Variants in TMEM39A observed in about 807,000 individuals in gnomAD.
TMEM39A encodes suppressor of SQST-1 aggregates in rpl-43 mutants.
In TMEM39A, 19 loss-of-function variants were observed where a neutral mutation model predicts 51.9. The observed-to-expected ratio is 0.37, with a 90% CI of 0.26 to 0.54. The LOEUF (loss-of-function observed/expected upper bound fraction) is 0.54, where lower values mean the gene tolerates loss of function less well. Ranked by LOEUF, TMEM39A falls within the 20% of genes least tolerant of loss-of-function variation. The probability of loss-of-function intolerance (pLI) is 0.88; values close to 1 mark genes in which losing one functional copy is unlikely to be tolerated. For missense variants in TMEM39A, 433 were observed against 590.5 expected, an observed-to-expected ratio of 0.73 and a Z score of 2.76; for synonymous variants, 197 against 220.2, an observed-to-expected ratio of 0.89 and a Z score of 0.93.
chr3:119,458,223 C>T lies in TMEM39A; in HGVS notation c.131G>A (p.Gly44Asp). The T allele has an allele frequency of 1.2e-6, 2 of 1,613,968 alleles. No homozygotes were observed. The part of the protein sequence containing the change: ...GLRNRNGSAI[G>D]LPVPPITALI... ...GGCTGTGATAGGTGGGACTGGAAGG[C>T]CAATAGCACTACCATTCCTGAAAGA... The change falls in exon 3 of 9, where the codon GGC becomes GAC. Residue 44 changes from glycine (G) to aspartate (D), a missense_variant. By Grantham distance (94) the Gly-to-Asp change is moderately conservative. This residue lies in a region of TMEM39A where 170 missense variants were observed against 239.8 expected (regional missense o/e 0.71). Transcript: ENST00000319172.
rs899321454 is a variant in TMEM39A, at chr3:119,430,791, T to C, written c.*1190A>G. On this transcript the variant is annotated 3_prime_UTR_variant, in exon 9 of 9. Coordinates refer to ENST00000319172, the MANE Select transcript of TMEM39A (RefSeq NM_018266.3). ...CAGCTTGTCAACGACATGATTGGTC[T>C]TTTTACTTCATAAGTCTTATTTTGT... The C allele has an allele frequency of 4.6e-5, 7 of 152,154 alleles. No individual in the cohort carries two copies. Among genetic ancestry groups the C allele is most frequent in the African/African-American group, 1.4e-4 (6 of 41,448 alleles). 9.4% of individuals were successfully genotyped at this position (152,154 alleles called of 1,614,324 possible).
chr3:119,454,842 A>G (rs1266307460), intron 3 of TMEM39A, among the ~76,000 whole-genome samples: 2 of 152,194 alleles, frequency 1.3e-5, no homozygotes, highest in Non-Finnish European at 2.9e-5. Flanking sequence ...TAAGCAAATC[A>G]TGTTATAACC....
intron 2 of TMEM39A, among the ~76,000 whole-genome samples, chr3:119,460,727 T>C (rs1394183286): frequency 6.6e-6 from 1 of 152,166 alleles, no homozygotes; most frequent in Non-Finnish European, 1.5e-5. Flanking sequence ...AAAGAACTGC[T>C]AGAGTTAGGA....
chr3:119,431,234 A>T lies in TMEM39A; in HGVS notation c.*747T>A, dbSNP rs1184940650. ...CATTTGCACTCAGCTTCTCCTACTG[A>T]TCCAGCCACACATCATCTTCTTCAT... On this transcript the variant is annotated 3_prime_UTR_variant, in exon 9 of 9. Transcript: ENST00000319172. The T allele has an allele frequency of 6.6e-6, 1 of 152,062 alleles. No individual in the cohort carries two copies. Among genetic ancestry groups the T allele is most frequent in the Middle Eastern group, 3.1e-3 (1 of 318 alleles). 9.4% of individuals were successfully genotyped at this position (152,062 alleles called of 1,614,324 possible). A position where few individuals can be genotyped will look rare whatever the true frequency, so the allele number is the denominator to read the frequency against.
intron 7 of TMEM39A, chr3:119,435,417 C>T (rs2107659025): frequency 1.0e-6 from 1 of 982,684 alleles, no homozygotes; most frequent in Non-Finnish European, 1.2e-6. Context: ...CAGTAGAACA[C>T]AGCGATACAT....
intron 5 of TMEM39A, among the ~76,000 whole-genome samples, chr3:119,440,077 G>A (rs1032360464): frequency 2.6e-5 from 4 of 152,142 alleles, no homozygotes; most frequent in Admixed American, 2.6e-4. Flanking sequence ...CAGAGAAGAA[G>A]TATTAGACAA....
intron 6 of TMEM39A, 106 bp from the exon 7 acceptor site, chr3:119,437,084 C>A: frequency 7.0e-6 from 7 of 1,002,558 alleles, no homozygotes; most frequent in Non-Finnish European, 1.0e-5. Flanking sequence ...CTGAGTCACA[C>A]ATGCACTGGT....
chr3:119,446,361 G>T (rs1409898282), intron 5 of TMEM39A, among the ~76,000 whole-genome samples: 1 of 149,494 alleles, frequency 6.7e-6, no homozygotes, highest in African/African-American at 2.4e-5. Context: ...TAATAACCAA[G>T]TCCGCTACTA....
intron 4 of TMEM39A, 130 bp from the exon 5 acceptor site, chr3:119,447,302 A>C: frequency 3.5e-6 from 3 of 866,568 alleles, no homozygotes; most frequent in Non-Finnish European, 3.4e-6. Context: ...ATAAAAGAAA[A>C]ACTGCCCCAT....
At chr3:119,451,082 TAAAG>T in intron 4 of TMEM39A, 1 of 308,914 alleles carries the variant, frequency 3.2e-6, no homozygotes, top group South Asian at 4.4e-5. Context: ...TGAGATCCTC[TAAAG>T]AAAGAACATG....
At chr3:119,437,086 T>G (rs2080979981) in intron 6 of TMEM39A, 108 bp from the exon 7 acceptor site, 4 of 982,106 alleles carry the variant, frequency 4.1e-6, no homozygotes, top group Non-Finnish European at 6.0e-6. Context: ...GAGTCACACA[T>G]GCACTGGTGG....
At chr3:119,439,862 G>C (rs369448832) in intron 5 of TMEM39A, among the ~76,000 whole-genome samples, 17 of 151,976 alleles carry the variant, frequency 1.1e-4, no homozygotes, top group East Asian at 9.6e-4. Flanking sequence ...CAACTTCTTG[G>C]GCTCACGCAA....
chr3:119,451,744 C>T (rs1352271572), intron 4 of TMEM39A, among the ~76,000 whole-genome samples: 2 of 141,564 alleles, frequency 1.4e-5, no homozygotes, highest in South Asian at 2.3e-4. Context: ...GCAGGAAAAT[C>T]GCTTGTACCC....
chr3:119,459,193 C>T (rs2081304606), intron 2 of TMEM39A, among the ~76,000 whole-genome samples: 2 of 152,322 alleles, frequency 1.3e-5, no homozygotes, highest in Middle Eastern at 3.4e-3. Flanking sequence ...CAGTTCCCTA[C>T]AGTGATATAA....
At chr3:119,441,452 C>G (rs2081052801) in intron 5 of TMEM39A, among the ~76,000 whole-genome samples, 1 of 152,228 alleles carries the variant, frequency 6.6e-6, no homozygotes, top group Non-Finnish European at 1.5e-5. Flanking sequence ...ATCGACCAGC[C>G]ACGACATTGC....
intron 3 of TMEM39A, among the ~76,000 whole-genome samples, chr3:119,455,010 T>C (rs1293673664): frequency 6.6e-6 from 1 of 152,214 alleles, no homozygotes; most frequent in Non-Finnish European, 1.5e-5. Context: ...GGTTGACAGC[T>C]AGAATGATAC....
In TMEM39A at chr3:119,436,987, G is replaced by T. The variant is rs1429754735; in HGVS notation, c.925-9C>A. 9 of 1,604,054 alleles carry T rather than the reference G, an allele frequency of 5.6e-6. No homozygotes were observed. Among genetic ancestry groups the T allele is most frequent in the Non-Finnish European group, 6.8e-6 (8 of 1,172,094 alleles). On this transcript the variant is annotated splice_polypyrimidine_tract_variant and intron_variant, in intron 6 of 8. Transcript: ENST00000319172. ...TCATAGTACTGGGTACTCTGGAAGA[G>T]ATCAGAAGAGAGAGAAATGATCCAT...
chr3:119,446,987 A>T, intron 5 of TMEM39A, 31 bp downstream of exon 5: 2 of 1,592,656 alleles, frequency 1.3e-6, no homozygotes, highest in Non-Finnish European at 1.7e-6. Flanking sequence ...CTAAAGATTT[A>T]CTAATAACAT....
intron 5 of TMEM39A, among the ~76,000 whole-genome samples, chr3:119,438,644 G>A (rs1030770918): frequency 6.6e-6 from 1 of 152,040 alleles, no homozygotes; most frequent in African/African-American, 2.4e-5. Context: ...TTTCTCTCTT[G>A]TTGGAAACAG....
Sources: allele counts gnomAD v4.1 joint callset (sites outside exome capture counted in the v4.1 genomes callset), GRCh38; gene constraint gnomAD v4.1.1; regional missense constraint gnomAD v4.1.1; transcripts MANE v1.5; gene names NCBI Gene and HGNC (gene_info 2026-07-23, HGNC 2026-07-21).